FGF1: variants seen among roughly 807,000 people sequenced by gnomAD.
FGF1 encodes beta-endothelial cell growth factor.
In FGF1, 9 loss-of-function variants were observed where a neutral mutation model predicts 13.4. The observed-to-expected ratio is 0.67, with a 90% CI of 0.40 to 1.17. The LOEUF (loss-of-function observed/expected upper bound fraction) is 1.17, where lower values mean the gene tolerates loss of function less well. FGF1 is among the 50% of genes most tolerant of loss of function. The probability of loss-of-function intolerance (pLI) is 0.01; values close to 1 mark genes in which losing one functional copy is unlikely to be tolerated. For missense variants in FGF1, 156 were observed against 192.7 expected, an observed-to-expected ratio of 0.81 and a Z score of 1.13; for synonymous variants, 93 against 79.0, an observed-to-expected ratio of 1.18 and a Z score of -0.94.
At chr5:142,683,068 C>A (rs1203971537) in intron 1 of FGF1, among the ~76,000 whole-genome samples, 1 of 152,214 alleles carries the variant, frequency 6.6e-6, no homozygotes, top group Non-Finnish European at 1.5e-5. Context: ...TGAACCCTTT[C>A]TTCAGAAAAA....
At chr5:142,639,867 A>G (rs936135297) in intron 1 of FGF1, among the ~76,000 whole-genome samples, 1 of 151,968 alleles carries the variant, frequency 6.6e-6, no homozygotes, top group Non-Finnish European at 1.5e-5. Flanking sequence ...TGTCAATAAT[A>G]CCTTAATAAA....
intron 1 of FGF1, among the ~76,000 whole-genome samples, chr5:142,678,106 G>T (rs1772996931): frequency 6.6e-6 from 1 of 152,070 alleles, no homozygotes; most frequent in Non-Finnish European, 1.5e-5. Context: ...AGGAGGCCAG[G>T]GCTGGATGGG....
intron 1 of FGF1, among the ~76,000 whole-genome samples, chr5:142,648,083 TCAAAA>T (rs901091547): frequency 2.0e-5 from 3 of 152,128 alleles, no homozygotes; most frequent in Non-Finnish European, 2.9e-5. Flanking sequence ...AGACTCTATC[TCAAAA>T]CAACAACAAC....
chr5:142,608,868 G>A (rs1439434283), intron 2 of FGF1, among the ~76,000 whole-genome samples: 1 of 151,524 alleles, frequency 6.6e-6, no homozygotes, highest in Non-Finnish European at 1.5e-5. Context: ...GAGGGTTGTG[G>A]GGAGGAGGGC....
intron 1 of FGF1, among the ~76,000 whole-genome samples, chr5:142,640,782 AT>A (rs1765075334): frequency 6.6e-6 from 1 of 151,870 alleles, no homozygotes; most frequent in African/African-American, 2.4e-5. Flanking sequence ...TCCTGTGCAT[AT>A]TGGCTGTGGC....
intron 1 of FGF1, among the ~76,000 whole-genome samples, chr5:142,667,817 G>T (rs1770721303): frequency 6.6e-6 from 1 of 152,166 alleles, no homozygotes; most frequent in African/African-American, 2.4e-5. Context: ...TCCACATGCT[G>T]TCTTGTTCAT....
chr5:142,664,581 A>G (rs1265292225), intron 1 of FGF1, among the ~76,000 whole-genome samples: 1 of 152,244 alleles, frequency 6.6e-6, no homozygotes, highest in Non-Finnish European at 1.5e-5. Flanking sequence ...TTCATGGTAC[A>G]TGAAGTGACG....
intron 1 of FGF1, among the ~76,000 whole-genome samples, chr5:142,652,796 C>T (rs1053244968): frequency 2.0e-5 from 3 of 152,238 alleles, no homozygotes; most frequent in Non-Finnish European, 4.4e-5. Flanking sequence ...TCATAGTGCA[C>T]ACGTGTGTCC....
rs560144469 is a variant in FGF1 at position 142,605,567 on chromosome 5, T to C, written c.170-4762A>G. ...CCATCATGGCCATGAAGAGGCCTCA[T>C]AGAGGTAAACAAGAGCCAGAGGCCT... On this transcript the variant is annotated intron_variant, in intron 2 of 3. Transcript: ENST00000337706. 8.4e-4 allele frequency among the ~76,000 whole-genome samples: 128 copies of C among 152,304 alleles called. 1 individual carries two copies. The highest frequency in any genetic ancestry group is 7.1e-4 in the Non-Finnish European group (48 of 68,026).
chr5:142,685,079 C>G (rs1299215363), intron 1 of FGF1, among the ~76,000 whole-genome samples: 1 of 152,174 alleles, frequency 6.6e-6, no homozygotes, highest in East Asian at 1.9e-4. Flanking sequence ...CCTGAAATTT[C>G]CATCTCAGTA....
intron 1 of FGF1, among the ~76,000 whole-genome samples, chr5:142,664,324 G>T (rs992980526): frequency 6.6e-6 from 1 of 152,208 alleles, no homozygotes; most frequent in Non-Finnish European, 1.5e-5. Context: ...AGTTGCCAAG[G>T]ACAGATCTAG....
chr5:142,640,428 G>GGC (rs1554084932), intron 1 of FGF1, among the ~76,000 whole-genome samples: 2 of 142,322 alleles, frequency 1.4e-5, no homozygotes, highest in African/African-American at 2.6e-5. Flanking sequence ...GAGTATGGTG[G>GGC]GGGGGGGGGT....
intron 1 of FGF1, among the ~76,000 whole-genome samples, chr5:142,630,215 C>T (rs1191239364): frequency 6.6e-6 from 1 of 152,086 alleles, no homozygotes; most frequent in Non-Finnish European, 1.5e-5. Context: ...ATCTTGAGTG[C>T]TTGAGTACAT....
intron 1 of FGF1, among the ~76,000 whole-genome samples, chr5:142,667,630 G>T (rs1156363464): frequency 6.6e-6 from 1 of 151,376 alleles, no homozygotes; most frequent in Non-Finnish European, 1.5e-5. Context: ...AGGAAAAATC[G>T]CCGGCTTTTA....
intron 1 of FGF1, among the ~76,000 whole-genome samples, chr5:142,636,090 T>A (rs1337685891): frequency 6.6e-6 from 1 of 152,258 alleles, no homozygotes; most frequent in Admixed American, 6.5e-5. Context: ...CTCCCCCTCC[T>A]TCTTGCTCTG....
intron 1 of FGF1, among the ~76,000 whole-genome samples, chr5:142,681,783 C>A (rs940966827): frequency 6.6e-6 from 1 of 152,200 alleles, no homozygotes; most frequent in Non-Finnish European, 1.5e-5. Flanking sequence ...AACACCCCAC[C>A]CAACAAGCCT....
chr5:142,657,207 G>A (rs191790309), intron 1 of FGF1, among the ~76,000 whole-genome samples: 2 of 152,224 alleles, frequency 1.3e-5, no homozygotes, highest in Admixed American at 6.5e-5. Flanking sequence ...GTGAGCCACC[G>A]CACCCAGGCC....
chr5:142,600,912 C>T lies in FGF1; in HGVS notation c.170-107G>A, dbSNP rs17223758. 2.0e-3 allele frequency: 1,455 copies of T among 743,094 alleles called. 22 individuals carry two copies. The African/African-American group carries it at 0.021, about 11-fold the overall frequency. The allele number at this position is 743,094 out of a possible 1,614,324, so 46.0% of individuals were successfully genotyped here. The stretch of plus-strand genomic sequence containing the variant: ...TGGAAAATTCTGCTCATTCATTTCA[C>T]GGAGCCCTCAGGGATGAGCCTCAGA... On this transcript the variant is annotated intron_variant, in intron 2 of 3. Coordinates refer to ENST00000337706, the MANE Select transcript of FGF1 (RefSeq NM_000800.5).
At chr5:142,637,684 A>T (rs544747030) in intron 1 of FGF1, among the ~76,000 whole-genome samples, 3 of 152,066 alleles carry the variant, frequency 2.0e-5, no homozygotes, top group African/African-American at 7.3e-5. Flanking sequence ...CCTGCCATGC[A>T]GCCTGGGCAT....
Sources: gnomAD v4.1 joint callset for allele counts (sites outside exome capture counted in the v4.1 genomes callset) on GRCh38, gnomAD v4.1.1 for gene constraint, MANE v1.5 for transcripts, NCBI Gene and HGNC (gene_info 2026-07-23, HGNC 2026-07-21) for gene names.